Variants in RPTOR observed in about 807,000 individuals in gnomAD.
The protein encoded by RPTOR is regulatory-associated protein of mTOR.
In RPTOR, 21 loss-of-function variants were observed where a neutral mutation model predicts 169.9. The observed-to-expected ratio is 0.12, with a 90% CI of 0.09 to 0.18. The LOEUF (loss-of-function observed/expected upper bound fraction) is 0.18, where lower values mean the gene tolerates loss of function less well. RPTOR is among the 10% of genes least tolerant of loss of function. The probability of loss-of-function intolerance (pLI) is 1.00; values close to 1 mark genes in which losing one functional copy is unlikely to be tolerated. For synonymous variants in RPTOR, 732 were observed against 753.2 expected (o/e 0.97, Z 0.46); for missense variants, 1,133 against 1,855.9 (o/e 0.61, Z 7.16).
intron 6 of RPTOR, among the ~76,000 whole-genome samples, chr17:80,755,888 C>T (rs979010196): frequency 2.6e-5 from 4 of 152,292 alleles, no homozygotes; most frequent in Admixed American, 2.6e-4. Flanking sequence ...GGGCCACTGT[C>T]CTCTGCACCC....
At chr17:80,775,841 T>C (rs1271562842) in intron 6 of RPTOR, among the ~76,000 whole-genome samples, 4 of 152,258 alleles carry the variant, frequency 2.6e-5, no homozygotes, top group African/African-American at 9.6e-5. Context: ...TTTGTCCATA[T>C]ATGCACATAA....
chr17:80,735,109 G>A (rs2077863427), intron 5 of RPTOR, among the ~76,000 whole-genome samples: 1 of 152,220 alleles, frequency 6.6e-6, no homozygotes, highest in African/African-American at 2.4e-5. Context: ...GCCAGGTCAC[G>A]TAGCACCCCA....
chr17:80,775,226 T>C (rs2066882236), intron 6 of RPTOR, among the ~76,000 whole-genome samples: 1 of 152,242 alleles, frequency 6.6e-6, no homozygotes, highest in Non-Finnish European at 1.5e-5. Flanking sequence ...CTCTGTGCTG[T>C]TTTTCTCCTT....
chr17:80,606,526 A>G (rs148552513), intron 1 of RPTOR, among the ~76,000 whole-genome samples: 73 of 152,202 alleles, frequency 4.8e-4, no homozygotes, highest in African/African-American at 1.6e-3. Context: ...GTTGTGTAGC[A>G]ATTTTTAAAG....
intron 3 of RPTOR, among the ~76,000 whole-genome samples, chr17:80,701,491 T>A (rs2066100494): frequency 6.6e-6 from 1 of 152,064 alleles, no homozygotes; most frequent in African/African-American, 2.4e-5. Flanking sequence ...GGGAAGAAGG[T>A]CAGGTCCGCC....
At chr17:80,893,241 C>T (rs2333987) in intron 19 of RPTOR, among the ~76,000 whole-genome samples, 40,429 of 150,500 alleles carry the variant, frequency 0.27, 5,693 homozygotes, top group South Asian at 0.47. Context: ...TGCGCCGGGG[C>T]GTGTGTGCCA....
intron 2 of RPTOR, among the ~76,000 whole-genome samples, chr17:80,626,469 A>C (rs2065395129): frequency 6.6e-6 from 1 of 151,982 alleles, no homozygotes; most frequent in Non-Finnish European, 1.5e-5. Context: ...GGTAAATGGA[A>C]CCACTTCCAG....
At chr17:80,777,608 C>G (rs1013633617) in intron 6 of RPTOR, among the ~76,000 whole-genome samples, 4 of 150,588 alleles carry the variant, frequency 2.7e-5, no homozygotes, top group Non-Finnish European at 4.4e-5. Context: ...TTGGTAAAGT[C>G]CATCTTATCT....
At chr17:80,700,519 G>GAT (rs1410487152) in intron 3 of RPTOR, among the ~76,000 whole-genome samples, 4 of 120,692 alleles carry the variant, frequency 3.3e-5, no homozygotes, top group East Asian at 2.3e-4. Flanking sequence ...TGATGGTGAT[G>GAT]GTGGTGGTGG....
Position 80,885,028 on chromosome 17 carries a change from C to T in RPTOR, c.1863C>T (p.Phe621=), listed in dbSNP as rs79729312. The change falls in exon 17 of 34, where the codon TTC becomes TTT. Residue 621 remains phenylalanine (F), a synonymous_variant. Coordinates refer to ENST00000306801, the MANE Select transcript of RPTOR (RefSeq NM_020761.3). ...TGCAGGTCCGCTGCGCAGCGGTCTT[C>T]GCCCTTGGCACGTTCGTGGGCAACT... ...PIPEVRCAAV[F]ALGTFVGNSA... 9.7e-5 allele frequency: 156 copies of T among 1,609,752 alleles called. 2 individuals carry two copies. In the East Asian group the frequency reaches 2.9e-3, roughly 30 times the overall value.
intron 7 of RPTOR, among the ~76,000 whole-genome samples, chr17:80,811,026 C>T (rs1293132624): frequency 6.6e-6 from 1 of 152,158 alleles, no homozygotes; most frequent in Non-Finnish European, 1.5e-5. Context: ...TCTGAAAATA[C>T]ATACAGTTTG....
intron 2 of RPTOR, 94 bp downstream of exon 2, chr17:80,625,887 C>T: frequency 2.5e-6 from 2 of 815,796 alleles, no homozygotes; most frequent in Non-Finnish European, 4.2e-6. Context: ...GTCCAGGGGC[C>T]CGTCTCCAGC....
At chr17:80,930,211 G>C (rs111211138) in intron 24 of RPTOR, among the ~76,000 whole-genome samples, 180 of 16,340 alleles carry the variant, frequency 0.011, no homozygotes, top group African/African-American at 0.014. Context: ...CTCATCCCCA[G>C]CTCATCCTCA....
chr17:80,693,967 C>T (rs982300925), intron 3 of RPTOR, among the ~76,000 whole-genome samples: 1 of 152,342 alleles, frequency 6.6e-6, no homozygotes, highest in South Asian at 2.1e-4. Flanking sequence ...CGATGCTCTG[C>T]GCAGAAACGG....
At chr17:80,628,643 C>CT (rs558920302) in intron 2 of RPTOR, among the ~76,000 whole-genome samples, 56 of 149,336 alleles carry the variant, frequency 3.7e-4, no homozygotes, top group Non-Finnish European at 5.5e-4. Context: ...TCTCCCCACC[C>CT]TTTTTTTTTT....
chr17:80,611,712 A>G (rs1311146121), intron 1 of RPTOR, among the ~76,000 whole-genome samples: 4 of 151,974 alleles, frequency 2.6e-5, no homozygotes, highest in African/African-American at 2.4e-5. Context: ...TAGTTCGTCT[A>G]TATTGAAATT....
intron 1 of RPTOR, among the ~76,000 whole-genome samples, chr17:80,557,912 C>T (rs1382811927): frequency 1.3e-5 from 2 of 152,072 alleles, no homozygotes; most frequent in Non-Finnish European, 2.9e-5. Context: ...GGCGACAGAG[C>T]GAGACTCCGT....
At chr17:80,942,577 G>A (rs909425779) in intron 25 of RPTOR, among the ~76,000 whole-genome samples, 4 of 152,100 alleles carry the variant, frequency 2.6e-5, no homozygotes, top group South Asian at 2.1e-4. Context: ...GAGTGAGGCC[G>A]CGCCCTCCTC....
At chr17:80,933,727 A>G (rs531389031) in intron 24 of RPTOR, among the ~76,000 whole-genome samples, 1 of 152,382 alleles carries the variant, frequency 6.6e-6, no homozygotes, top group African/African-American at 2.4e-5. Context: ...AGCTGCACTA[A>G]TTAAGATACC....
Sources: allele counts gnomAD v4.1 joint callset (sites outside exome capture counted in the v4.1 genomes callset), GRCh38; gene constraint gnomAD v4.1.1; transcripts MANE v1.5; gene names NCBI Gene and HGNC (gene_info 2026-07-23, HGNC 2026-07-21).